PIP5K1A: variants seen among roughly 807,000 people sequenced by gnomAD.
PIP5K1A encodes the protein phosphatidylinositol 4-phosphate 5-kinase type-1 alpha.
PIP5K1A carries 46 observed loss-of-function variants against 72.9 expected under a neutral mutation model. The ratio of observed to expected loss-of-function variants is 0.63; its 90% CI spans 0.50 to 0.81. PIP5K1A has a LOEUF of 0.81. PIP5K1A is among the 30% of genes least tolerant of loss of function. The pLI is 0.00. For missense variants in PIP5K1A, 458 were observed against 706.1 expected (o/e 0.65, Z 3.98); for synonymous variants, 228 against 255.1 (o/e 0.89, Z 1.01).
At chr1:151,247,738 T>TA (rs1692720546) in intron 15 of PIP5K1A, 125 bp from the exon 16 acceptor site, 3 of 801,244 alleles carry the variant, frequency 3.7e-6, no homozygotes, top group Non-Finnish European at 6.2e-6. Context: ...TCTTGTTTTT[T>TA]AAAAAATATT....
chr1:151,216,898 ATGTTTTTTTTTTTTTTTTTTTTT>A (rs1312149568), intron 1 of PIP5K1A, among the ~76,000 whole-genome samples: 1 of 67,446 alleles, frequency 1.5e-5, no homozygotes, highest in Non-Finnish European at 3.1e-5. Flanking sequence ...TACTTAGTAA[ATGTTTTTTTTTTTTTTTTTTTTT>A]TTTTTTTTTG....
chr1:151,223,893 C>T (rs1688746833), intron 1 of PIP5K1A: 1 of 237,846 alleles, frequency 4.2e-6, no homozygotes, highest in Non-Finnish European at 8.2e-6. Flanking sequence ...GGAGGCTGAG[C>T]AGGAGAATCA....
intron 7 of PIP5K1A, 116 bp from the exon 8 acceptor site, chr1:151,234,081 T>G (rs79585366): frequency 0.025 from 18,403 of 725,094 alleles, 305 homozygotes; most frequent in Non-Finnish European, 0.034. Flanking sequence ...ATGGACACAT[T>G]GTGTCTAAAT....
intron 9 of PIP5K1A, 30 bp downstream of exon 9, chr1:151,236,793 G>A: frequency 3.5e-6 from 4 of 1,148,704 alleles, no homozygotes; most frequent in Non-Finnish European, 5.2e-6. Flanking sequence ...CTAGGGGGGA[G>A]AACATAGGCC....
At chr1:151,224,697 A>ACT (rs1688858140) in intron 3 of PIP5K1A, among the ~76,000 whole-genome samples, 3 of 152,136 alleles carry the variant, frequency 2.0e-5, no homozygotes, top group African/African-American at 7.2e-5. Context: ...ACTAAAGCTC[A>ACT]CTTTCTTTGT....
chr1:151,219,921 G>A (rs587712013), intron 1 of PIP5K1A, among the ~76,000 whole-genome samples: 1 of 150,164 alleles, frequency 6.7e-6, no homozygotes, highest in East Asian at 2.0e-4. Flanking sequence ...GAACTCCTGG[G>A]CTCAATTAAT....
rs368838946 is a variant in PIP5K1A, at chr1:151,227,419, G to A, written c.237+19G>A. On this transcript the variant is annotated intron_variant, in intron 4 of 15. Transcript: ENST00000368888. ...TAAAAAGGTGTGTCTGGATGAAACC[G>A]TCTCATCTTACTCCAGGAGCTCAGC... The A allele has an allele frequency of 1.7e-5, 27 of 1,546,688 alleles. No homozygotes were observed. Among genetic ancestry groups the A allele is most frequent in the South Asian group, 5.6e-5 (5 of 89,558 alleles).
At chr1:151,234,604 C>A in intron 8 of PIP5K1A, 108 bp downstream of exon 8, 3 of 810,178 alleles carry the variant, frequency 3.7e-6, no homozygotes, top group Non-Finnish European at 6.2e-6. Context: ...CACTGTATGT[C>A]CTGGGCTGTA....
rs947404601 is a variant in PIP5K1A, at chr1:151,222,759, A to T, written c.86-1486A>T. ...TACAGAGTACCTCATTGAGAATCAG[A>T]TTCCATAGTTGCTAGTGTTGCACAA... is the stretch of plus-strand genomic sequence containing the variant. On this transcript the variant is annotated intron_variant, in intron 1 of 15. Coordinates refer to ENST00000368888, the MANE Select transcript of PIP5K1A (RefSeq NM_001135638.2). 2.0e-5 allele frequency among the ~76,000 whole-genome samples: 3 copies of T among 152,176 alleles called. No homozygotes were observed. The East Asian group carries it at 5.8e-4, about 29-fold the overall frequency.
intron 3 of PIP5K1A, among the ~76,000 whole-genome samples, chr1:151,226,331 T>C (rs587699818): frequency 1.3e-5 from 2 of 151,914 alleles, no homozygotes; most frequent in Admixed American, 1.3e-4. Flanking sequence ...GTGATCCACT[T>C]GCCTCCACCT....
intron 1 of PIP5K1A, among the ~76,000 whole-genome samples, chr1:151,212,371 A>G (rs968605729): frequency 1.3e-5 from 2 of 152,192 alleles, no homozygotes; most frequent in Non-Finnish European, 2.9e-5. Flanking sequence ...AATAGTGAAT[A>G]TTAGTCTCCA....
chr1:151,198,867 C>T lies in PIP5K1A; in HGVS notation c.-130C>T, dbSNP rs1468496622. ...CGGCTCGACGTGTCTGAGGGAGGCC[C>T]CGGAGGGGGCGGGGAGGTGGCCCAC... On this transcript the variant is annotated 5_prime_UTR_variant, in exon 1 of 16. Transcript: ENST00000368888. 20 of 883,198 alleles carry T rather than the reference C, an allele frequency of 2.3e-5. No individual in the cohort carries two copies. The highest frequency in any genetic ancestry group is 1.8e-6 in the Non-Finnish European group (1 of 549,868). The allele number at this position is 883,198 out of a possible 1,614,324, so 54.7% of individuals were successfully genotyped here.
intron 11 of PIP5K1A, among the ~76,000 whole-genome samples, 164 bp downstream of exon 11, chr1:151,239,342 G>A (rs1691335487): frequency 6.7e-6 from 1 of 148,472 alleles, no homozygotes; most frequent in Non-Finnish European, 1.5e-5. Context: ...GCGTGATCTC[G>A]GCTCGCTGCA....
chr1:151,222,921 C>T (rs1322459885), intron 1 of PIP5K1A, among the ~76,000 whole-genome samples: 4 of 152,114 alleles, frequency 2.6e-5, no homozygotes, highest in African/African-American at 4.8e-5. Flanking sequence ...TTTGCTCTTG[C>T]GTCACACGTA....
chr1:151,199,118 G>A lies in PIP5K1A; in HGVS notation c.85+37G>A, dbSNP rs751764140. The A allele has an allele frequency of 5.6e-6, 9 of 1,613,606 alleles. 1 individual carries two copies. In the South Asian group the frequency reaches 8.8e-5, roughly 16 times the overall value. On this transcript the variant is annotated intron_variant, in intron 1 of 15. Transcript: ENST00000368888. ...AGGGCGTGGGTAGGGAGCTGGTGAG[G>A]AATATGCGATGGGAGGAAGAGCGAG...
chr1:151,228,949 C>T (rs1689569355), intron 4 of PIP5K1A, among the ~76,000 whole-genome samples: 2 of 151,078 alleles, frequency 1.3e-5, no homozygotes, highest in Admixed American at 1.3e-4. Context: ...GGGTGGATCA[C>T]CTGAGGTCAG....
In PIP5K1A at chr1:151,234,588, C is replaced by G. The variant is rs928287408; in HGVS notation, c.939+92C>G. The stretch of plus-strand genomic sequence containing the variant: ...AGTTTGTGGGAGATGGAACTCTGTT[C>G]CTTAGCACTGTATGTCCTGGGCTGT... On this transcript the variant is annotated intron_variant, in intron 8 of 15. Transcript: ENST00000368888. 7 of 953,486 alleles carry G rather than the reference C, an allele frequency of 7.3e-6. No homozygotes were observed. The Admixed American group carries it at 1.2e-4, about 17-fold the overall frequency. The allele number at this position is 953,486 out of a possible 1,614,324, so 59.1% of individuals were successfully genotyped here.
At chr1:151,210,543 A>G (rs894820533) in intron 1 of PIP5K1A, among the ~76,000 whole-genome samples, 1 of 151,958 alleles carries the variant, frequency 6.6e-6, no homozygotes, top group Non-Finnish European at 1.5e-5. Context: ...TTAATTCCAA[A>G]AAAGCTGCTT....
In PIP5K1A at chr1:151,248,037, CCTTCCT is replaced by C; in HGVS notation, c.*180_*185del. The C allele has an allele frequency of 1.5e-6, 1 of 648,454 alleles. No homozygotes were observed. Among genetic ancestry groups the C allele is most frequent in the Non-Finnish European group, 2.8e-6 (1 of 362,880 alleles). 40.2% of individuals were successfully genotyped at this position (648,454 alleles called of 1,614,324 possible). A position where few individuals can be genotyped will look rare whatever the true frequency, so the allele number is the denominator to read the frequency against. On this transcript the variant is annotated 3_prime_UTR_variant, in exon 16 of 16. Transcript: ENST00000368888. Reference sequence around the variant, plus strand: ...TTCTTCCTGAAGAAGAACCTTCTCTCCTTCCTCTTCCTCATGAATGGGCCTTAGTGC... The same window carrying C: ...TTCTTCCTGAAGAAGAACCTTCTCTCCTTCCTCATGAATGGGCCTTAGTGC...
Sources: gnomAD v4.1 joint callset for allele counts (sites outside exome capture counted in the v4.1 genomes callset) on GRCh38, gnomAD v4.1.1 for gene constraint, MANE v1.5 for transcripts, NCBI Gene and HGNC (gene_info 2026-07-23, HGNC 2026-07-21) for gene names.